The following TUB variants were observed in gnomAD, a reference collection of about 807,000 sequenced individuals.
TUB encodes the protein tubby protein homolog.
In TUB, 33 loss-of-function variants were observed where a neutral mutation model predicts 59.7. The ratio of observed to expected loss-of-function variants is 0.55; its 90% CI spans 0.42 to 0.74. The LOEUF (loss-of-function observed/expected upper bound fraction) is 0.74. Ranked by LOEUF, TUB falls within the 30% of genes least tolerant of loss-of-function variation. The pLI is 0.00. For synonymous variants in TUB, 293 were observed against 256.4 expected (o/e 1.14, Z -1.36); for missense variants, 659 against 672.0 (o/e 0.98, Z 0.21).
intron 1 of TUB, among the ~76,000 whole-genome samples, chr11:8,031,771 G>A (rs1326395840): frequency 1.3e-5 from 2 of 152,244 alleles, no homozygotes; most frequent in Non-Finnish European, 1.5e-5. Flanking sequence ...AGGGAGGCTG[G>A]CGCAGGCCCA....
upstream of TUB, among the ~76,000 whole-genome samples, chr11:8,079,659 C>T (rs548323123): frequency 1.8e-5 from 2 of 111,818 alleles, no homozygotes; most frequent in East Asian, 6.1e-4. Context: ...TGTGTGTGTG[C>T]ATGCATGTGT....
chr11:8,027,177 A>G (rs75319038), intron 1 of TUB, among the ~76,000 whole-genome samples: 4,384 of 152,302 alleles, frequency 0.029, 216 homozygotes, highest in African/African-American at 0.1. Context: ...CATCAGTTAC[A>G]TTCACAGTAT....
At chr11:8,092,759 G>A (rs142604805) in intron 3 of TUB, among the ~76,000 whole-genome samples, 31 of 152,226 alleles carry the variant, frequency 2.0e-4, no homozygotes, top group Middle Eastern at 3.4e-3. Context: ...GCACACACGC[G>A]TGGCCTACCC....
chr11:8,048,014 G>C (rs910491963), intron 2 of TUB, among the ~76,000 whole-genome samples: 6 of 151,922 alleles, frequency 3.9e-5, no homozygotes, highest in African/African-American at 4.8e-5. Context: ...AGGCAGGGCT[G>C]TATCTTTTTT....
intron 4 of TUB, 53 bp downstream of exon 4, chr11:8,094,242 G>C: frequency 1.3e-6 from 2 of 1,540,118 alleles, no homozygotes; most frequent in Non-Finnish European, 1.8e-6. Context: ...TCCACTGTAG[G>C]GCTGGGGAAG....
chr11:8,083,002 G>A lies in TUB; in HGVS notation c.38+1454G>A, dbSNP rs544894169. On this transcript the variant is annotated intron_variant, in intron 1 of 11. Coordinates refer to ENST00000299506, the MANE Select transcript of TUB (RefSeq NM_177972.3). ...TGGATTAGGGAGCTGTTTCCATCAT[G>A]GAACCAGGGACTGGGGCTGTGCTGA... is the stretch of plus-strand genomic sequence containing the variant. Among the ~76,000 whole-genome samples the A allele has an allele frequency of 5.3e-4, 81 of 152,338 alleles. 1 individual carries two copies. Among genetic ancestry groups the A allele is most frequent in the African/African-American group, 1.9e-3 (79 of 41,586 alleles).
intron 3 of TUB, among the ~76,000 whole-genome samples, chr11:8,093,830 G>T (rs767026169): frequency 6.6e-6 from 1 of 152,188 alleles, no homozygotes. Context: ...ACACTGGGCT[G>T]GGGGTGCCGC....
intron 11 of TUB, 90 bp downstream of exon 11, chr11:8,101,087 G>C (rs1024291736): frequency 6.8e-7 from 1 of 1,468,592 alleles, no homozygotes; most frequent in Non-Finnish European, 9.3e-7. Flanking sequence ...GCCTACACTG[G>C]CTAGAGTTTA....
chr11:8,101,131 T>C (rs761303639), intron 11 of TUB, 134 bp downstream of exon 11: 11 of 1,109,848 alleles, frequency 9.9e-6, no homozygotes, highest in African/African-American at 1.6e-5. Flanking sequence ...GTTAGATGTA[T>C]GGAACTTTCT....
At chr11:8,031,454 G>A (rs1481874662) in intron 1 of TUB, among the ~76,000 whole-genome samples, 2 of 152,312 alleles carry the variant, frequency 1.3e-5, no homozygotes, top group South Asian at 4.1e-4. Context: ...CTAGAGCTCC[G>A]CTTAGGTCGC....
exon 1 of TUB, chr11:8,038,720 T>C: frequency 1.3e-6 from 2 of 1,485,640 alleles, no homozygotes. Context: ...GTGATGGTGG[T>C]TGTTAGTCTG....
chr11:8,020,057 G>A (rs1473209390), intron 1 of TUB, among the ~76,000 whole-genome samples: 1 of 152,246 alleles, frequency 6.6e-6, no homozygotes, highest in Non-Finnish European at 1.5e-5. Context: ...AAAAAAATAA[G>A]AACGGAGTGA....
intron 1 of TUB, among the ~76,000 whole-genome samples, chr11:8,087,239 C>T (rs914444347): frequency 6.6e-6 from 1 of 152,212 alleles, no homozygotes; most frequent in Non-Finnish European, 1.5e-5. Flanking sequence ...GTGAGTCTTA[C>T]CTCTCAGCTG....
At chr11:8,029,172 T>C (rs1253896710) in intron 1 of TUB, among the ~76,000 whole-genome samples, 1 of 152,150 alleles carries the variant, frequency 6.6e-6, no homozygotes, top group Non-Finnish European at 1.5e-5. Context: ...CTTGTGGCTT[T>C]TTTCTGGCCC....
At position 8,041,699 on chromosome 11, in the gene TUB, A is replaced by G. The variant is rs183122824; in HGVS notation, c.203+2007A>G. On this transcript the variant is annotated intron_variant, in intron 2 of 12. Coordinates refer to the TUB transcript ENST00000305253. ...TAGTTTTTCTCCTCACTCTGAATCA[A>G]CTCTTGTTCCTATTCTATCTGAGCT... Among the ~76,000 whole-genome samples the G allele has an allele frequency of 2.6e-5, 4 of 151,764 alleles. No individual in the cohort carries two copies. The East Asian group carries it at 7.8e-4, about 29-fold the overall frequency.
intron 2 of TUB, chr11:8,059,915 C>T (rs112246698): frequency 0.045 from 6,810 of 152,704 alleles, 500 homozygotes; most frequent in African/African-American, 0.15. Context: ...CGGGCAGAGG[C>T]ACTGGGGACA....
At chr11:8,056,044 G>T (rs1373858306) in intron 2 of TUB, among the ~76,000 whole-genome samples, 2 of 152,216 alleles carry the variant, frequency 1.3e-5, no homozygotes, top group African/African-American at 4.8e-5. Context: ...GGGTGCTGGG[G>T]AGAGCAGGAA....
intron 1 of TUB, among the ~76,000 whole-genome samples, chr11:8,028,972 A>G (rs1217430798): frequency 2.0e-5 from 3 of 152,208 alleles, no homozygotes; most frequent in Non-Finnish European, 4.4e-5. Context: ...TGATCACACC[A>G]CTGCATGCCA....
At chr11:8,099,172 G>C (rs1944143686) in intron 9 of TUB, among the ~76,000 whole-genome samples, 1 of 152,082 alleles carries the variant, frequency 6.6e-6, no homozygotes, top group African/African-American at 2.4e-5. Flanking sequence ...CTGGGTTCTT[G>C]TCTGTGCATT....
Sources: allele counts gnomAD v4.1 joint callset (sites outside exome capture counted in the v4.1 genomes callset), GRCh38; gene constraint gnomAD v4.1.1; transcripts MANE v1.5; gene names NCBI Gene and HGNC (gene_info 2026-07-23, HGNC 2026-07-21).